The following NCR1 variants were observed in gnomAD, a reference collection of about 807,000 sequenced individuals.
NCR1 encodes NK cell-activating receptor.
A neutral mutation model predicts 32.5 loss-of-function variants in NCR1; 30 were observed. The observed-to-expected ratio is 0.92, with a 90% CI of 0.69 to 1.25. The LOEUF is 1.25. Among genes scored for constraint, NCR1 ranks in the 50% most tolerant of loss-of-function variants. NCR1 has a pLI of 0.00. For synonymous variants in NCR1, 169 were observed against 143.4 expected (o/e 1.18, Z -1.28); for missense variants, 369 against 380.7 (o/e 0.97, Z 0.26).
At chr19:54,920,047 A>G (rs1285957555), downstream of NCR1, among the ~76,000 whole-genome samples, 1 of 152,248 alleles carries the variant, frequency 6.6e-6, no homozygotes, top group African/African-American at 2.4e-5. Flanking sequence ...ATACTCATAT[A>G]TAATCATATC....
downstream of NCR1, among the ~76,000 whole-genome samples, chr19:54,918,992 A>AG (rs1408770457): frequency 6.6e-6 from 1 of 152,012 alleles, no homozygotes; most frequent in East Asian, 1.9e-4. Flanking sequence ...TAAAAAAAAA[A>AG]AAAAAAAGTG....
downstream of NCR1, among the ~76,000 whole-genome samples, chr19:54,916,412 G>A (rs1008754611): frequency 9.7e-5 from 14 of 143,700 alleles, no homozygotes; most frequent in African/African-American, 2.6e-4. Flanking sequence ...TCCGCCTCCC[G>A]GGTTCAAGCG....
Position 54,906,156 on chromosome 19 carries a change from C to T in NCR1, c.-32C>T, listed in dbSNP as rs367876961. On this transcript the variant is annotated 5_prime_UTR_variant, in exon 1 of 7. Transcript: ENST00000291890. ...CCTGGCCCGCCCGGCTCAGTCCCCA[C>T]TGCTCAGCACTAGGCCGGCAGAATC... is the stretch of plus-strand genomic sequence containing the variant. The T allele has an allele frequency of 7.4e-6, 12 of 1,614,098 alleles. No individual in the cohort carries two copies. The highest frequency in any genetic ancestry group is 1.7e-5 in the Admixed American group (1 of 60,018).
chr19:54,901,234 G>C (rs587697161), upstream of NCR1, among the ~76,000 whole-genome samples: 2 of 151,252 alleles, frequency 1.3e-5, no homozygotes, highest in South Asian at 4.2e-4. Flanking sequence ...AGCTTGCAGT[G>C]AGTCGAGATT....
At chr19:54,904,605 T>G (rs999656687), upstream of NCR1, among the ~76,000 whole-genome samples, 2 of 149,956 alleles carry the variant, frequency 1.3e-5, no homozygotes, top group Admixed American at 6.7e-5. Context: ...CCATCTCGGC[T>G]CACTGCAACC....
At chr19:54,933,562 G>A in the NCR1 span, 1 of 1,614,048 alleles carries the variant, frequency 6.2e-7, no homozygotes, top group Non-Finnish European at 8.5e-7. Flanking sequence ...ACCCAGCAGG[G>A]ACTTACACCA....
the NCR1 span, among the ~76,000 whole-genome samples, chr19:54,935,781 G>C: frequency 1.3e-3 from 195 of 151,776 alleles, no homozygotes; most frequent in Admixed American, 4.9e-3. Flanking sequence ...ATCTGAGATT[G>C]ATGATCCATT....
At chr19:54,914,975 T>G (rs2068104669), downstream of NCR1, among the ~76,000 whole-genome samples, 1 of 152,086 alleles carries the variant, frequency 6.6e-6, no homozygotes, top group Non-Finnish European at 1.5e-5. Context: ...ACTCCTGAGT[T>G]CAGGTGATCC....
rs150473795 is a variant in NCR1 at position 54,906,668 on chromosome 19, A to G, written c.216A>G (p.Pro72=). 1.5e-4 allele frequency: 236 copies of G among 1,614,212 alleles called. 1 individual carries two copies. The African/African-American group carries it at 3.0e-3, about 20-fold the overall frequency. Residue 72 remains proline, a synonymous_variant, in exon 3 of 7, where the codon CCA becomes CCG. Coordinates refer to ENST00000291890, the MANE Select transcript of NCR1 (RefSeq NM_004829.7). Reference sequence around the variant, plus strand: ...GAAGCCTTTTTGCCGTGGACAGACCAAAACCCCCTGAGCGGATTAACAAAG... The same window carrying G: ...GAAGCCTTTTTGCCGTGGACAGACCGAAACCCCCTGAGCGGATTAACAAAG... ...FEGSLFAVDR[P]KPPERINKVQ... is the part of the protein sequence containing the mutation.
At chr19:54,936,144 G>C in the NCR1 span, 2 of 885,252 alleles carry the variant, frequency 2.3e-6, no homozygotes, top group South Asian at 2.8e-5. Flanking sequence ...GCCTGTTTGA[G>C]GAATACATTC....
At chr19:54,925,949 G>A in the NCR1 span, among the ~76,000 whole-genome samples, 8 of 151,372 alleles carry the variant, frequency 5.3e-5, no homozygotes, top group African/African-American at 9.7e-5. Context: ...GCAGTGAGCC[G>A]AGATCGCACC....
At chr19:54,902,744 G>A (rs75934250), upstream of NCR1, among the ~76,000 whole-genome samples, 8,535 of 152,154 alleles carry the variant, frequency 0.056, 300 homozygotes, top group Middle Eastern at 0.12. Flanking sequence ...GCATCCAAGC[G>A]CTCCGTAGGG....
chr19:54,907,446 C>T (rs1271881418), intron 3 of NCR1, among the ~76,000 whole-genome samples: 1 of 146,654 alleles, frequency 6.8e-6, no homozygotes, highest in Non-Finnish European at 1.5e-5. Flanking sequence ...CCATCACACC[C>T]AGCCAGGTGG....
the NCR1 span, chr19:54,923,396 T>A: frequency 2.6e-6 from 1 of 381,174 alleles, no homozygotes; most frequent in Non-Finnish European, 5.0e-6. Flanking sequence ...AGAAAAGAAA[T>A]AGAAGAATCA....
In NCR1 at chr19:54,906,541, T is replaced by C. The variant is rs774565110; in HGVS notation, c.89T>C (p.Phe30Ser). The change falls in exon 3 of 7, where the codon TTC becomes TCC. Residue 30 changes from phenylalanine (F) to serine (S), a missense_variant. Phe to Ser is a radical substitution (Grantham distance 155). Transcript: ENST00000291890. ...CTTCCAGAGACTCTCCCAAAACCGT[T>C]CATCTGGGCCGAGCCCCATTTCATG... ...SAQQQTLPKP[F>S]IWAEPHFMVP... The C allele has an allele frequency of 3.1e-6, 5 of 1,609,424 alleles. No homozygotes were observed. The highest frequency in any genetic ancestry group is 4.2e-6 in the Non-Finnish European group (5 of 1,179,982).
At chr19:54,928,173 T>C in the NCR1 span, among the ~76,000 whole-genome samples, 126 of 152,168 alleles carry the variant, frequency 8.3e-4, no homozygotes, top group Non-Finnish European at 1.5e-3. Context: ...TGAGCCCAGA[T>C]TGCGCCACTG....
the NCR1 span, among the ~76,000 whole-genome samples, chr19:54,922,516 G>A: frequency 2.0e-5 from 3 of 151,514 alleles, no homozygotes; most frequent in Admixed American, 6.6e-5. Context: ...GGTGGCTCAC[G>A]CCTGTAATCC....
At chr19:54,899,316 G>A in the NCR1 span, among the ~76,000 whole-genome samples, 1 of 152,158 alleles carries the variant, frequency 6.6e-6, no homozygotes, top group South Asian at 2.1e-4. Flanking sequence ...TCAGGTGTGA[G>A]TTGAAGAGGT....
chr19:54,921,791 A>AAAAAG, the NCR1 span, among the ~76,000 whole-genome samples: 13 of 144,188 alleles, frequency 9.0e-5, 1 homozygote, highest in East Asian at 4.0e-4. Flanking sequence ...AAAAAAAAAA[A>AAAAAG]AAAAGAAAAG....
Sources: allele counts gnomAD v4.1 joint callset (sites outside exome capture counted in the v4.1 genomes callset), GRCh38; gene constraint gnomAD v4.1.1; transcripts MANE v1.5; gene names NCBI Gene and HGNC (gene_info 2026-07-23, HGNC 2026-07-21).